Variants in LPIN3 observed in about 807,000 individuals in gnomAD.
LPIN3 encodes the protein phosphatidate phosphatase LPIN3.
In LPIN3, 82 loss-of-function variants were observed where a neutral mutation model predicts 94.7. That is an observed-to-expected ratio of 0.87 (90% CI 0.72 to 1.04). LPIN3 has a LOEUF of 1.04. Ranked by LOEUF, LPIN3 falls within the 50% of genes least tolerant of loss-of-function variation. The pLI is 0.00. For missense variants in LPIN3, 996 were observed against 1,090.5 expected, an observed-to-expected ratio of 0.91 and a Z score of 1.22; for synonymous variants, 418 against 443.3, an observed-to-expected ratio of 0.94 and a Z score of 0.72.
rs146167352 is a variant in LPIN3 at position 41,352,135 on chromosome 20, T to A, written c.1278T>A (p.His426Gln). 1 of 1,614,202 alleles carries A rather than the reference T, an allele frequency of 6.2e-7. No individual in the cohort carries two copies. Among genetic ancestry groups the A allele is most frequent in the Non-Finnish European group, 8.5e-7 (1 of 1,180,032 alleles). The change falls in exon 9 of 20, where the codon CAT becomes CAA. Residue 426 changes from histidine to glutamine, a missense_variant. His to Gln is a conservative substitution (Grantham distance 24). Coordinates refer to ENST00000373257, the MANE Select transcript of LPIN3 (RefSeq NM_022896.3). Reference sequence around the variant, plus strand: ...CCCTGAGGGACCCCAACCCTGAACATGAACCTGAACCCACTCTGGACACAG... The same window carrying A: ...CCCTGAGGGACCCCAACCCTGAACAAGAACCTGAACCCACTCTGGACACAG... The part of the protein sequence containing the change: ...QKSLRDPNPE[H>Q]EPEPTLDTVD...
chr20:41,358,460 G>A lies in LPIN3; in HGVS notation c.2329G>A (p.Val777Met). 6.2e-7 allele frequency: 1 copy of A among 1,614,116 alleles called. No homozygotes were observed. Among genetic ancestry groups the A allele is most frequent in the Non-Finnish European group, 8.5e-7 (1 of 1,180,020 alleles). The change falls in exon 19 of 20, where the codon GTG (valine) becomes ATG (methionine). Residue 777 changes from valine (V) to methionine (M), a missense_variant. By Grantham distance (21) the Val-to-Met change is conservative. Transcript: ENST00000373257. ...ACAGGATGTCTTTGCCTACCGGCAG[G>A]TGGGCCTGCCTGAGTCACGCATCTT... ...RPNDVFAYRQ[V>M]GLPESRIFTV...
chr20:41,356,900 T>G, intron 14 of LPIN3, 140 bp from the exon 15 acceptor site: 1 of 1,028,518 alleles, frequency 9.7e-7, no homozygotes, highest in Non-Finnish European at 1.4e-6. Flanking sequence ...CTATCTCTGA[T>G]GAATCCAAGA....
In LPIN3 at chr20:41,359,018, C is replaced by T. The variant is rs79548055; in HGVS notation, c.*152C>T. ...TTGGTTGGCAGCTAGAGAGACTCCC[C>T]CATCTTCCCCGTCATATTTTTGCCA... On this transcript the variant is annotated 3_prime_UTR_variant, in exon 20 of 20. Transcript: ENST00000373257. 8.0e-3 allele frequency: 7,086 copies of T among 888,076 alleles called. 334 individuals are homozygous for T. The African/African-American group carries it at 0.1, about 13-fold the overall frequency. The allele number at this position is 888,076 out of a possible 1,614,324, so 55.0% of individuals were successfully genotyped here.
At position 41,351,091 on chromosome 20, in the gene LPIN3, AT is replaced by A. The variant is rs1337212764; in HGVS notation, c.1102+704del. The stretch of plus-strand genomic sequence containing the variant: ...AACCCATCTCTACAAAAAAAAAAAA[AT>A]TTTTTTTTTAACTAGCCAGGCATGG... On this transcript the variant is annotated intron_variant, in intron 7 of 19. Coordinates refer to ENST00000373257, the MANE Select transcript of LPIN3 (RefSeq NM_022896.3). 1.6e-4 allele frequency among the ~76,000 whole-genome samples: 23 copies of A among 142,984 alleles called. No individual in the cohort carries two copies. In the East Asian group the frequency reaches 1.8e-3, roughly 11 times the overall value. 93.8% of individuals were successfully genotyped at this position (142,984 alleles called of 152,430 possible). A position where few individuals can be genotyped will look rare whatever the true frequency, so the allele number is the denominator to read the frequency against.
At chr20:41,357,298 T>C (rs916375024) in intron 15 of LPIN3, 63 bp from the exon 16 acceptor site, 3 of 1,600,624 alleles carry the variant, frequency 1.9e-6, no homozygotes, top group African/African-American at 1.3e-5. Flanking sequence ...TGGTGGGCCA[T>C]CCTGGGGCTG....
chr20:41,357,960 G>A lies in LPIN3; in HGVS notation c.2118G>A (p.Val706=), dbSNP rs2046272117. ...ADLTKGYLQW[V]SEGGCSLPKG... ...TCACCAAGGGGTACCTGCAGTGGGT[G>A]AGCGAGGGGGGCTGTAGCCTCCCCA... Residue 706 remains valine, a synonymous_variant, in exon 17 of 20, where the codon GTG becomes GTA. Coordinates refer to ENST00000373257, the MANE Select transcript of LPIN3 (RefSeq NM_022896.3). 6.2e-7 allele frequency: 1 copy of A among 1,613,820 alleles called. No individual in the cohort carries two copies. Among genetic ancestry groups the A allele is most frequent in the Non-Finnish European group, 8.5e-7 (1 of 1,179,896 alleles).
In LPIN3 at chr20:41,358,944, T is replaced by G. The variant is rs1341092356; in HGVS notation, c.*78T>G. 3.2e-6 allele frequency: 5 copies of G among 1,545,466 alleles called. No individual in the cohort carries two copies. Among genetic ancestry groups the G allele is most frequent in the Non-Finnish European group, 4.4e-6 (5 of 1,141,518 alleles). On this transcript the variant is annotated 3_prime_UTR_variant, in exon 20 of 20. Transcript: ENST00000373257. ...TCCTGGGGTATAGGAGGGTGGGAAT[T>G]GGAGTGTCATGGGGCAAACCCACTG...
rs746167194 is a variant in LPIN3 at position 41,357,864 on chromosome 20, C to G, written c.2040-18C>G. On this transcript the variant is annotated intron_variant, in intron 16 of 19. Transcript: ENST00000373257. ...CTGGTCTCTGATGGCTCTATGCCAC[C>G]CTGTCCCCCACTCTCAGAAATGGGT... 5.6e-6 allele frequency: 9 copies of G among 1,613,796 alleles called. No individual in the cohort carries two copies. The highest frequency in any genetic ancestry group is 5.5e-5 in the South Asian group (5 of 91,088).
intron 3 of LPIN3, 107 bp downstream of exon 3, chr20:41,347,754 C>T (rs749830454): frequency 1.8e-4 from 172 of 973,618 alleles, no homozygotes; most frequent in Non-Finnish European, 2.4e-4. Flanking sequence ...CCGGGAGCAC[C>T]CCACCAGCAG....
Position 41,357,161 on chromosome 20 carries a change from T to C in LPIN3, c.1925T>C (p.Ile642Thr). The C allele has an allele frequency of 6.2e-7, 1 of 1,614,090 alleles. No individual in the cohort carries two copies. Among genetic ancestry groups the C allele is most frequent in the Non-Finnish European group, 8.5e-7 (1 of 1,180,004 alleles). ...YLWKWDDKVV[I>T]SDIDGTITKS... ...TGGAAATGGGACGACAAGGTGGTCA[T>C]CTCTGACATCGACGGCACCATCACC... The change falls in exon 15 of 20, where the codon ATC (isoleucine) becomes ACC (threonine). Residue 642 changes from isoleucine to threonine, a missense_variant. Coordinates refer to ENST00000373257, the MANE Select transcript of LPIN3 (RefSeq NM_022896.3).
At chr20:41,357,750 C>G (rs1278484115) in intron 16 of LPIN3, 132 bp from the exon 17 acceptor site, 9 of 1,259,654 alleles carry the variant, frequency 7.1e-6, no homozygotes, top group Non-Finnish European at 1.0e-5. Flanking sequence ...TGGCCGTTCT[C>G]TTCAAGTCCC....
chr20:41,356,030 A>C lies in LPIN3; in HGVS notation c.1799A>C (p.Gln600Pro). Residue 600 changes from glutamine to proline, a missense_variant, in exon 14 of 20, where the codon CAG becomes CCG. Gln to Pro is a moderately conservative substitution (Grantham distance 76). Transcript: ENST00000373257. ...YKKSLRLSSDQIRRLNLQEGA... is the reference protein window; with the variant it reads ...YKKSLRLSSDPIRRLNLQEGA... ...AAGTCCCTCCGCCTCTCCTCCGATC[A>C]GATCGTAAGTGTGGGTTGTCTGTGT... 1 of 1,613,456 alleles carries C rather than the reference A, an allele frequency of 6.2e-7. No homozygotes were observed. Among genetic ancestry groups the C allele is most frequent in the Non-Finnish European group, 8.5e-7 (1 of 1,179,488 alleles).
intron 13 of LPIN3, among the ~76,000 whole-genome samples, chr20:41,355,654 C>G (rs2046182198): frequency 6.6e-6 from 1 of 152,194 alleles, no homozygotes; most frequent in Non-Finnish European, 1.5e-5. Flanking sequence ...CCAAGGCAGA[C>G]ACTGAGGGCT....
chr20:41,342,021 C>A (rs2045600315), intron 1 of LPIN3, among the ~76,000 whole-genome samples: 1 of 152,170 alleles, frequency 6.6e-6, no homozygotes, highest in Non-Finnish European at 1.5e-5. Context: ...CAACTGCTGG[C>A]AGGGGCAGTT....
In LPIN3 at chr20:41,352,861, G is replaced by A. The variant is rs749965781; in HGVS notation, c.1521G>A (p.Leu507=). The A allele has an allele frequency of 6.2e-7, 1 of 1,614,082 alleles. No homozygotes were observed. Among genetic ancestry groups the A allele is most frequent in the Non-Finnish European group, 8.5e-7 (1 of 1,180,044 alleles). ...CCCTGCAAGCCTTCCAGAAAAACTT[G>A]CCCAAGGTAATGGTTAGAGCACCAC... ...ILSLQAFQKN[L]PKSTMDKLER... is the part of the protein sequence containing the mutation. Residue 507 remains leucine (L), a synonymous_variant, in exon 11 of 20, where the codon TTG becomes TTA. Transcript: ENST00000373257.
rs146667115 is a variant in LPIN3, at chr20:41,345,813, G to A, written c.10G>A (p.Val4Met). 1.4e-4 allele frequency: 220 copies of A among 1,612,432 alleles called. No homozygotes were observed. The highest frequency in any genetic ancestry group is 1.6e-4 in the Non-Finnish European group (189 of 1,178,758). MNY[V>M]GQLAETVFGT... Reference sequence around the variant, plus strand: ...TTTGCCAGCACCAGCCATGAACTACGTGGGGCAGCTGGCGGAGACGGTGTT... The same window carrying A: ...TTTGCCAGCACCAGCCATGAACTACATGGGGCAGCTGGCGGAGACGGTGTT... Residue 4 changes from valine to methionine, a missense_variant, in exon 2 of 20, where the codon GTG becomes ATG. Transcript: ENST00000373257.
At position 41,359,123 on chromosome 20, in the gene LPIN3, CTTTTTTTT is replaced by C. The variant is rs75257468; in HGVS notation, c.*275_*282del. 14 of 77,030 alleles carry C rather than the reference CTTTTTTTT, an allele frequency of 1.8e-4. No individual in the cohort carries two copies. Among genetic ancestry groups the C allele is most frequent in the African/African-American group, 6.4e-4 (12 of 18,712 alleles). 4.8% of individuals were successfully genotyped at this position (77,030 alleles called of 1,614,324 possible). Reference sequence around the variant, plus strand: ...TTGTCATCTGGGCCCTTGCAGGGTTCTTTTTTTTTTTTTTTTTTTTTTTTTCCTGAGAC... The same window carrying C: ...TTGTCATCTGGGCCCTTGCAGGGTTCTTTTTTTTTTTTTTTTTCCTGAGAC... On this transcript the variant is annotated 3_prime_UTR_variant, in exon 20 of 20. Transcript: ENST00000373257.
chr20:41,344,563 C>T (rs1437751378), intron 1 of LPIN3, among the ~76,000 whole-genome samples: 3 of 152,228 alleles, frequency 2.0e-5, no homozygotes, highest in Non-Finnish European at 4.4e-5. Context: ...CAGCAGGCCA[C>T]TGGCCTGGCC....
intron 2 of LPIN3, among the ~76,000 whole-genome samples, chr20:41,347,182 GAC>G (rs1393159961): frequency 1.3e-5 from 2 of 152,224 alleles, no homozygotes; most frequent in Non-Finnish European, 2.9e-5. Context: ...GGGGGCTGGG[GAC>G]ACAGCGATCA....
Sources: allele counts gnomAD v4.1 joint callset (sites outside exome capture counted in the v4.1 genomes callset), GRCh38; gene constraint gnomAD v4.1.1; transcripts MANE v1.5; gene names NCBI Gene and HGNC (gene_info 2026-07-23, HGNC 2026-07-21).